Variants in CLEC16A observed in about 807,000 individuals in gnomAD.
CLEC16A encodes the protein C-type lectin domain containing 16A.
Under a neutral mutation model 109.5 loss-of-function variants are expected in CLEC16A, and 51 were observed. The observed-to-expected ratio is 0.47, with a 90% confidence interval of 0.37 to 0.59. The LOEUF (loss-of-function observed/expected upper bound fraction) is 0.59, where lower values mean the gene tolerates loss of function less well. CLEC16A is among the 20% of genes least tolerant of loss of function. The pLI is 0.00. For synonymous variants in CLEC16A, 673 were observed against 564.2 expected (o/e 1.19, Z -2.73); for missense variants, 1,339 against 1,394.0 (o/e 0.96, Z 0.63).
chr16:11,138,231 C>G (rs900347398), intron 22 of CLEC16A, among the ~76,000 whole-genome samples: 9 of 152,176 alleles, frequency 5.9e-5, no homozygotes, highest in African/African-American at 2.2e-4. Flanking sequence ...TACAGAGAAG[C>G]CTGGGGTCAG....
At chr16:11,014,340 C>T (rs1228183594) in intron 11 of CLEC16A, among the ~76,000 whole-genome samples, 4 of 152,172 alleles carry the variant, frequency 2.6e-5, no homozygotes, top group South Asian at 2.1e-4. Flanking sequence ...TTCCATCGGT[C>T]TGTTATGCCT....
At chr16:10,948,143 T>TC (rs2041520152) in intron 1 of CLEC16A, among the ~76,000 whole-genome samples, 1 of 152,202 alleles carries the variant, frequency 6.6e-6, no homozygotes, top group Non-Finnish European at 1.5e-5. Flanking sequence ...TCTGCCCTCC[T>TC]TGACCTCCCA....
At chr16:11,036,869 G>A (rs1294157088) in intron 13 of CLEC16A, among the ~76,000 whole-genome samples, 2 of 152,076 alleles carry the variant, frequency 1.3e-5, no homozygotes, top group African/African-American at 2.4e-5. Context: ...TTTATAACAC[G>A]AATGATAAGG....
chr16:11,075,309 G>T lies in CLEC16A; in HGVS notation c.2116+14287G>T, dbSNP rs377712672. ...CTTCTGGGTGCAGCTGCACCAGAGG[G>T]CTTCCAGGGAGGGGCAGGGGTCCTG... On this transcript the variant is annotated intron_variant, in intron 19 of 23. Transcript: ENST00000409790. Among the ~76,000 whole-genome samples, 7 of 151,850 alleles carry T rather than the reference G, an allele frequency of 4.6e-5. No homozygotes were observed. The East Asian group carries it at 8.0e-4, about 17-fold the overall frequency.
intron 22 of CLEC16A, chr16:11,136,036 C>T (rs1417082745): frequency 1.3e-5 from 2 of 152,254 alleles, no homozygotes; most frequent in Non-Finnish European, 2.9e-5. Context: ...CATTGTTTTT[C>T]CTGTTCATTC....
chr16:11,068,155 A>G (rs188059942), intron 19 of CLEC16A, among the ~76,000 whole-genome samples: 15 of 152,180 alleles, frequency 9.9e-5, no homozygotes, highest in East Asian at 7.7e-4. Flanking sequence ...GGACAAATCT[A>G]TTCCCCTCTC....
At chr16:10,995,949 A>T (rs1425387429) in intron 10 of CLEC16A, among the ~76,000 whole-genome samples, 1 of 152,116 alleles carries the variant, frequency 6.6e-6, no homozygotes, top group Non-Finnish European at 1.5e-5. Context: ...TGATTATCAC[A>T]ACAGCTTTGA....
chr16:11,146,129 G>C (rs538278826), intron 22 of CLEC16A, among the ~76,000 whole-genome samples: 3 of 152,200 alleles, frequency 2.0e-5, no homozygotes, highest in East Asian at 3.9e-4. Flanking sequence ...TCATTCTTCA[G>C]ACCTCACCAT....
At chr16:10,973,639 G>A (rs879581670) in intron 7 of CLEC16A, among the ~76,000 whole-genome samples, 1 of 151,940 alleles carries the variant, frequency 6.6e-6, no homozygotes, top group Non-Finnish European at 1.5e-5. Flanking sequence ...GGTGATCATG[G>A]CTCACTGCAG....
At chr16:11,092,782 G>A (rs189230821) in intron 19 of CLEC16A, among the ~76,000 whole-genome samples, 1 of 152,254 alleles carries the variant, frequency 6.6e-6, no homozygotes, top group Non-Finnish European at 1.5e-5. Context: ...GTATGACTTC[G>A]GCCGAGCTTC....
At chr16:11,014,746 C>A (rs1348965361) in intron 11 of CLEC16A, among the ~76,000 whole-genome samples, 1 of 152,200 alleles carries the variant, frequency 6.6e-6, no homozygotes, top group Non-Finnish European at 1.5e-5. Flanking sequence ...ATCCACATAG[C>A]CTACTGAGCT....
chr16:11,126,243 C>G (rs2153037844), intron 22 of CLEC16A, 97 bp downstream of exon 22: 1 of 1,574,562 alleles, frequency 6.4e-7, no homozygotes, highest in South Asian at 1.1e-5. Context: ...CCCTTCCTCT[C>G]TCAGAAGCCC....
chr16:10,944,806 G>A lies in CLEC16A; in HGVS notation c.80+9G>A, dbSNP rs761920464. ...TCCTTGGACCACCTCAAGTGAGTGT[G>A]GGGGGCGTAGCGGGAGGCCTCGGGG... On this transcript the variant is annotated intron_variant, in intron 1 of 23. Transcript: ENST00000409790. The A allele has an allele frequency of 6.3e-6, 10 of 1,599,698 alleles. No homozygotes were observed. In the African/African-American group the frequency reaches 8.0e-5, roughly 13 times the overall value.
intron 16 of CLEC16A, among the ~76,000 whole-genome samples, chr16:11,046,667 C>G (rs1252951723): frequency 6.6e-6 from 1 of 152,144 alleles, no homozygotes; most frequent in African/African-American, 2.4e-5. Context: ...ACAGACATGC[C>G]ATTCATGCAG....
At chr16:11,130,833 A>G (rs2053157742) in intron 22 of CLEC16A, among the ~76,000 whole-genome samples, 1 of 152,202 alleles carries the variant, frequency 6.6e-6, no homozygotes, top group African/African-American at 2.4e-5. Flanking sequence ...TTTTATTAGG[A>G]CACATCTTCC....
chr16:11,070,334 T>C (rs1163066923), intron 19 of CLEC16A, among the ~76,000 whole-genome samples: 2 of 151,720 alleles, frequency 1.3e-5, no homozygotes, highest in Non-Finnish European at 2.9e-5. Context: ...CCTCCCAAAG[T>C]GTTGAGATTA....
intron 19 of CLEC16A, among the ~76,000 whole-genome samples, chr16:11,109,363 A>G (rs554042559): frequency 6.6e-6 from 1 of 152,196 alleles, no homozygotes; most frequent in Non-Finnish European, 1.5e-5. Flanking sequence ...TATGTTGCCC[A>G]GTCTGGTCTT....
At chr16:11,026,134 T>C (rs1163156030) in intron 13 of CLEC16A, among the ~76,000 whole-genome samples, 1 of 152,256 alleles carries the variant, frequency 6.6e-6, no homozygotes, top group Non-Finnish European at 1.5e-5. Context: ...GTCTGTAGTC[T>C]TCTTGTAATT....
intron 22 of CLEC16A, chr16:11,149,933 A>G (rs916204602): frequency 2.0e-5 from 3 of 152,158 alleles, no homozygotes; most frequent in Non-Finnish European, 2.9e-5. Flanking sequence ...GAGCTGATGA[A>G]CAGAACAGAG....
Sources: allele counts gnomAD v4.1 joint callset (sites outside exome capture counted in the v4.1 genomes callset), GRCh38; gene constraint gnomAD v4.1.1; transcripts MANE v1.5; gene names NCBI Gene and HGNC (gene_info 2026-07-23, HGNC 2026-07-21).